Variants in CNTNAP2 observed in about 807,000 individuals in gnomAD.
The protein encoded by CNTNAP2 is contactin-associated protein-like 2.
In CNTNAP2, 98 loss-of-function variants were observed where a neutral mutation model predicts 155.2. The observed-to-expected ratio is 0.63, with a 90% CI of 0.54 to 0.75. CNTNAP2 has a LOEUF of 0.75. CNTNAP2 is among the 30% of genes least tolerant of loss of function. The pLI, the probability that CNTNAP2 is intolerant of heterozygous loss-of-function variation, is 0.00. For missense variants in CNTNAP2, 1,727 were observed against 1,688.1 expected (o/e 1.02, Z -0.40); for synonymous variants, 651 against 631.2 (o/e 1.03, Z -0.47).
chr7:148,114,869 G>T (rs1804432355), intron 15 of CNTNAP2, among the ~76,000 whole-genome samples: 1 of 152,204 alleles, frequency 6.6e-6, no homozygotes, highest in South Asian at 2.1e-4. Flanking sequence ...AACATCATCT[G>T]CCTGAGCCCC....
At chr7:147,157,911 TAATTC>T (rs1472909031) in intron 8 of CNTNAP2, among the ~76,000 whole-genome samples, 1 of 152,128 alleles carries the variant, frequency 6.6e-6, no homozygotes, top group Non-Finnish European at 1.5e-5. Flanking sequence ...TTATTATCAG[TAATTC>T]AATTAGTAGG....
chr7:146,580,861 T>C (rs1012116510), intron 1 of CNTNAP2, among the ~76,000 whole-genome samples: 1 of 152,100 alleles, frequency 6.6e-6, no homozygotes, highest in Non-Finnish European at 1.5e-5. Flanking sequence ...GGGTAGTTAA[T>C]AAATGCTGAA....
intron 1 of CNTNAP2, among the ~76,000 whole-genome samples, chr7:146,533,265 G>T (rs555462831): frequency 6.6e-6 from 1 of 152,098 alleles, no homozygotes; most frequent in Non-Finnish European, 1.5e-5. Context: ...ATGCAAGTGG[G>T]AAATTTGAAG....
intron 1 of CNTNAP2, among the ~76,000 whole-genome samples, chr7:146,687,260 GAATGA>G (rs1417818562): frequency 6.6e-6 from 1 of 152,118 alleles, no homozygotes; most frequent in Non-Finnish European, 1.5e-5. Flanking sequence ...AAACTGCCTG[GAATGA>G]AATCTTGGCT....
chr7:147,692,338 A>T (rs1796098868), intron 13 of CNTNAP2, among the ~76,000 whole-genome samples: 1 of 152,098 alleles, frequency 6.6e-6, no homozygotes, highest in Non-Finnish European at 1.5e-5. Flanking sequence ...TTTTGTGTGA[A>T]CATAAGTTTT....
chr7:147,617,114 G>A (rs1017162073), intron 12 of CNTNAP2, among the ~76,000 whole-genome samples: 2 of 152,054 alleles, frequency 1.3e-5, no homozygotes, highest in African/African-American at 4.8e-5. Flanking sequence ...TGAGCAATAA[G>A]AAGGATAAAA....
At chr7:147,594,592 C>T (rs1402225417) in intron 12 of CNTNAP2, among the ~76,000 whole-genome samples, 1 of 152,152 alleles carries the variant, frequency 6.6e-6, no homozygotes, top group South Asian at 2.1e-4. Context: ...TCTGGGTTTT[C>T]GCCTTCTCCA....
At chr7:146,441,438 A>G (rs1796319648) in intron 1 of CNTNAP2, among the ~76,000 whole-genome samples, 1 of 151,476 alleles carries the variant, frequency 6.6e-6, no homozygotes, top group African/African-American at 2.5e-5. Flanking sequence ...GATTACAGAT[A>G]CACATCAACT....
chr7:148,086,700 A>C (rs1472818739), intron 15 of CNTNAP2, among the ~76,000 whole-genome samples: 1 of 152,166 alleles, frequency 6.6e-6, no homozygotes, highest in East Asian at 1.9e-4. Flanking sequence ...GGGTTCAAAA[A>C]TATTACCATA....
chr7:147,054,804 G>T (rs1799529472), intron 4 of CNTNAP2, among the ~76,000 whole-genome samples: 1 of 152,006 alleles, frequency 6.6e-6, no homozygotes. Context: ...GATTTTCAGA[G>T]ATTAAATATT....
chr7:147,040,246 T>G (rs1440098593), intron 3 of CNTNAP2, among the ~76,000 whole-genome samples: 1 of 152,148 alleles, frequency 6.6e-6, no homozygotes, highest in Non-Finnish European at 1.5e-5. Context: ...TCTGTCTACA[T>G]TGTTGATTTG....
At chr7:146,246,600 C>T (rs1289525806) in intron 1 of CNTNAP2, among the ~76,000 whole-genome samples, 2 of 151,474 alleles carry the variant, frequency 1.3e-5, no homozygotes, top group Non-Finnish European at 2.9e-5. Flanking sequence ...AGCTCGGCGT[C>T]CCTGATGGTC....
chr7:146,948,815 C>A (rs1797247259), intron 3 of CNTNAP2, among the ~76,000 whole-genome samples: 1 of 152,134 alleles, frequency 6.6e-6, no homozygotes. Flanking sequence ...CTTTACAACA[C>A]AGGACACAGA....
At chr7:148,211,065 C>T (rs1361927373) in intron 18 of CNTNAP2, among the ~76,000 whole-genome samples, 2 of 152,204 alleles carry the variant, frequency 1.3e-5, no homozygotes, top group African/African-American at 2.4e-5. Context: ...TGTCCAAGGT[C>T]CCCGGGAGCA....
chr7:148,194,981 C>T lies in CNTNAP2; in HGVS notation c.3011-22307C>T, dbSNP rs7799180. Among the ~76,000 whole-genome samples, 482 of 152,280 alleles carry T rather than the reference C, an allele frequency of 3.2e-3. 2 individuals are homozygous for T. Among genetic ancestry groups the T allele is most frequent in the African/African-American group, 0.011 (457 of 41,560 alleles). On this transcript the variant is annotated intron_variant, in intron 18 of 23. Coordinates refer to ENST00000361727, the MANE Select transcript of CNTNAP2 (RefSeq NM_014141.6). ...AGATGACACATGATATTAACCATCA[C>T]AGAAGCCATGTCTCATATACTCACT... is the stretch of plus-strand genomic sequence containing the variant.
At chr7:147,590,783 A>G (rs1466400264) in intron 12 of CNTNAP2, among the ~76,000 whole-genome samples, 1 of 152,210 alleles carries the variant, frequency 6.6e-6, no homozygotes, top group African/African-American at 2.4e-5. Flanking sequence ...TGGTGGTAGG[A>G]GGTAATAGTT....
At chr7:148,280,532 G>A (rs969476564) in intron 21 of CNTNAP2, among the ~76,000 whole-genome samples, 2 of 152,154 alleles carry the variant, frequency 1.3e-5, no homozygotes, top group African/African-American at 4.8e-5. Context: ...CTCCAATGGG[G>A]AAACTGGGCA....
chr7:146,431,684 C>T (rs1430669343), intron 1 of CNTNAP2, among the ~76,000 whole-genome samples: 1 of 151,944 alleles, frequency 6.6e-6, no homozygotes, highest in African/African-American at 2.4e-5. Context: ...GATCAATAGA[C>T]AAAAGTCACA....
Position 147,156,456 on chromosome 7 carries a change from G to A in CNTNAP2, c.1348+23947G>A, listed in dbSNP as rs112533545. 1.5e-3 allele frequency among the ~76,000 whole-genome samples: 230 copies of A among 152,228 alleles called. 1 individual carries two copies. The highest frequency in any genetic ancestry group is 5.3e-3 in the African/African-American group (220 of 41,546). Reference sequence around the variant, plus strand: ...CTTTGTTTGCCAGAGAAAAATCAATGCAAAATTGTCAAATATATTACAATG... The same window carrying A: ...CTTTGTTTGCCAGAGAAAAATCAATACAAAATTGTCAAATATATTACAATG... On this transcript the variant is annotated intron_variant, in intron 8 of 23. Transcript: ENST00000361727.
Sources: allele counts gnomAD v4.1 joint callset (sites outside exome capture counted in the v4.1 genomes callset), GRCh38; gene constraint gnomAD v4.1.1; transcripts MANE v1.5; gene names NCBI Gene and HGNC (gene_info 2026-07-23, HGNC 2026-07-21).